Variants in SPATA17 observed in about 807,000 individuals in gnomAD.
The protein encoded by SPATA17 is spermatogenesis associated 17, also known as spermatogenesis-associated protein 17.
In SPATA17, 53 loss-of-function variants were observed where a neutral mutation model predicts 62.2. The ratio of observed to expected loss-of-function variants is 0.85; its 90% CI spans 0.68 to 1.07. The LOEUF (loss-of-function observed/expected upper bound fraction) is 1.07. Ranked by LOEUF, SPATA17 falls within the 50% of genes least tolerant of loss-of-function variation. SPATA17 has a pLI of 0.00. For synonymous variants in SPATA17, 146 were observed against 146.8 expected (o/e 0.99, Z 0.04); for missense variants, 466 against 425.5 (o/e 1.10, Z -0.84).
intron 6 of SPATA17, among the ~76,000 whole-genome samples, chr1:217,750,474 C>G (rs1168805977): frequency 6.6e-6 from 1 of 152,110 alleles, no homozygotes; most frequent in Non-Finnish European, 1.5e-5. Flanking sequence ...AGAAATGTAT[C>G]AGTTGTGTCA....
chr1:217,664,499 T>G (rs1306017021), intron 3 of SPATA17, among the ~76,000 whole-genome samples: 2 of 151,976 alleles, frequency 1.3e-5, no homozygotes, highest in Admixed American at 1.3e-4. Context: ...TTCACCGTGT[T>G]GGCCAGGCTG....
At chr1:217,858,713 C>A (rs1252432644) in intron 9 of SPATA17, among the ~76,000 whole-genome samples, 2 of 151,832 alleles carry the variant, frequency 1.3e-5, no homozygotes, top group Admixed American at 1.3e-4. Context: ...CATAGCAAGA[C>A]AACTTCTCTT....
At chr1:217,728,885 T>C (rs1316094004) in intron 5 of SPATA17, among the ~76,000 whole-genome samples, 2 of 152,218 alleles carry the variant, frequency 1.3e-5, no homozygotes, top group Non-Finnish European at 2.9e-5. Flanking sequence ...TATCATTGGC[T>C]GTCAGGTAAG....
chr1:217,739,788 A>G (rs919253589), intron 5 of SPATA17, among the ~76,000 whole-genome samples: 5 of 152,270 alleles, frequency 3.3e-5, no homozygotes, highest in Admixed American at 6.5e-5. Context: ...TGACATAAAT[A>G]TTACTGTCTT....
At chr1:217,681,536 G>A (rs1156478770) in intron 4 of SPATA17, among the ~76,000 whole-genome samples, 3 of 151,642 alleles carry the variant, frequency 2.0e-5, no homozygotes, top group Admixed American at 2.0e-4. Context: ...ACCATGCCCA[G>A]TTTTGTATTT....
intron 3 of SPATA17, among the ~76,000 whole-genome samples, chr1:217,654,913 GTGTTAGCCAGA>G (rs1470645339): frequency 1.3e-5 from 2 of 151,824 alleles, no homozygotes; most frequent in Non-Finnish European, 2.9e-5. Flanking sequence ...GGGTTTTGCC[GTGTTAGCCAGA>G]TGGTCTCAAT....
Position 217,801,727 on chromosome 1 carries a change from A to G in SPATA17, c.882A>G (p.Pro294=), listed in dbSNP as rs147208283. The G allele has an allele frequency of 2.0e-3, 3,189 of 1,597,624 alleles. 4 individuals are homozygous for G. Among genetic ancestry groups the G allele is most frequent in the Non-Finnish European group, 2.4e-3 (2,822 of 1,174,992 alleles). Residue 294 remains proline, a synonymous_variant, in exon 9 of 11, where the codon CCA becomes CCG. Coordinates refer to ENST00000366933, the MANE Select transcript of SPATA17 (RefSeq NM_138796.4). The part of the protein sequence containing the change: ...LQNVNDNMFL[P]FSSYHKNEKY... ...TAAATATTTCTTTCAGGTTTTTGCC[A>G]TTTTCTTCATACCATAAAAATGAAA...
At chr1:217,779,947 GAGGCAA>G (rs1455460374) in intron 7 of SPATA17, among the ~76,000 whole-genome samples, 1 of 152,044 alleles carries the variant, frequency 6.6e-6, no homozygotes. Context: ...GGCTTAGGTG[GAGGCAA>G]TGTAAACTAA....
intron 8 of SPATA17, among the ~76,000 whole-genome samples, chr1:217,792,648 A>G (rs886890795): frequency 2.6e-5 from 4 of 152,236 alleles, no homozygotes; most frequent in Admixed American, 1.3e-4. Context: ...TTGTGTTAAC[A>G]AATTTGCTCA....
At chr1:217,668,270 G>A (rs1670748543) in intron 3 of SPATA17, among the ~76,000 whole-genome samples, 1 of 151,980 alleles carries the variant, frequency 6.6e-6, no homozygotes, top group Admixed American at 6.6e-5. Context: ...AGAGCAGATG[G>A]GGAAGCTTAA....
chr1:217,769,410 T>A lies in SPATA17; in HGVS notation c.520-4924T>A, dbSNP rs529450755. On this transcript the variant is annotated intron_variant, in intron 6 of 10. Transcript: ENST00000366933. ...AACTCAAGCTGAATGCAGTTATTATTTTTGAAATACCCTCTTATCTGCACC... is the reference window on the plus strand; with the variant it reads ...AACTCAAGCTGAATGCAGTTATTATATTTGAAATACCCTCTTATCTGCACC... 3.3e-5 allele frequency among the ~76,000 whole-genome samples: 5 copies of A among 152,316 alleles called. No individual in the cohort carries two copies. In the South Asian group the frequency reaches 6.2e-4, roughly 19 times the overall value.
chr1:217,725,399 A>G (rs905763281), intron 5 of SPATA17, among the ~76,000 whole-genome samples: 3 of 152,138 alleles, frequency 2.0e-5, no homozygotes, highest in African/African-American at 2.4e-5. Context: ...AAAATTCTCT[A>G]TCCAACTAAA....
intron 9 of SPATA17, among the ~76,000 whole-genome samples, chr1:217,822,769 T>C (rs1026463019): frequency 2.1e-5 from 3 of 140,434 alleles, no homozygotes; most frequent in Non-Finnish European, 4.8e-5. Context: ...TTTTAATGTA[T>C]GGGTTTCTGT....
chr1:217,781,275 A>G (rs1673720989), intron 7 of SPATA17: 1 of 152,202 alleles, frequency 6.6e-6, no homozygotes, highest in Non-Finnish European at 1.5e-5. Context: ...GTGTCTTGTT[A>G]GTGATAACCT....
chr1:217,639,537 T>G (rs182950146), intron 1 of SPATA17, among the ~76,000 whole-genome samples: 1 of 152,300 alleles, frequency 6.6e-6, no homozygotes, highest in African/African-American at 2.4e-5. Context: ...AATTCTACAA[T>G]AATTTTCATT....
At chr1:217,838,730 G>A (rs1225768057) in intron 9 of SPATA17, among the ~76,000 whole-genome samples, 1 of 151,952 alleles carries the variant, frequency 6.6e-6, no homozygotes, top group Non-Finnish European at 1.5e-5. Flanking sequence ...TTTATGTTGT[G>A]AAAAAATCAG....
chr1:217,635,434 T>A (rs1669915462), intron 1 of SPATA17, among the ~76,000 whole-genome samples: 1 of 152,214 alleles, frequency 6.6e-6, no homozygotes, highest in Non-Finnish European at 1.5e-5. Context: ...CCAGGCATGG[T>A]GGCTCACGCC....
Position 217,702,097 on chromosome 1 carries a change from G to A in SPATA17, c.395+18736G>A, listed in dbSNP as rs145878526. On this transcript the variant is annotated intron_variant, in intron 5 of 10. Coordinates refer to ENST00000366933, the MANE Select transcript of SPATA17 (RefSeq NM_138796.4). ...TGACTACTATTTATACAAAAATAACGTAATAATGCTTTGTGTATTTAAAAT... is the reference window on the plus strand; with the variant it reads ...TGACTACTATTTATACAAAAATAACATAATAATGCTTTGTGTATTTAAAAT... Among the ~76,000 whole-genome samples the A allele has an allele frequency of 9.0e-3, 1,362 of 151,466 alleles. 11 individuals carry two copies. The highest frequency in any genetic ancestry group is 0.012 in the Non-Finnish European group (832 of 67,840).
intron 5 of SPATA17, among the ~76,000 whole-genome samples, chr1:217,740,396 CT>C (rs1473659666): frequency 2.0e-5 from 3 of 151,570 alleles, no homozygotes; most frequent in African/African-American, 7.3e-5. Flanking sequence ...AATGTATTTG[CT>C]TTTTAATGTA....
Sources: gnomAD v4.1 joint callset for allele counts (sites outside exome capture counted in the v4.1 genomes callset) on GRCh38, gnomAD v4.1.1 for gene constraint, MANE v1.5 for transcripts, NCBI Gene and HGNC (gene_info 2026-07-23, HGNC 2026-07-21) for gene names.